CDH12: variants seen among roughly 807,000 people sequenced by gnomAD.
The protein encoded by CDH12 is cadherin-12.
CDH12 carries 41 observed loss-of-function variants against 74.1 expected under a neutral mutation model. The observed-to-expected ratio is 0.55, with a 90% CI of 0.43 to 0.72. The LOEUF is 0.72. Ranked by LOEUF, CDH12 falls within the 30% of genes least tolerant of loss-of-function variation. CDH12 has a pLI of 0.00. For missense variants in CDH12, 945 were observed against 977.2 expected (o/e 0.97, Z 0.44); for synonymous variants, 399 against 355.0 (o/e 1.12, Z -1.39).
chr5:22,709,072 T>C (rs1274472674), intron 1 of CDH12, among the ~76,000 whole-genome samples: 1 of 151,892 alleles, frequency 6.6e-6, no homozygotes, highest in Non-Finnish European at 1.5e-5. Flanking sequence ...TGGATGGGGG[T>C]GACATTTTCC....
At chr5:22,303,095 A>T (rs1292630835) in intron 3 of CDH12, among the ~76,000 whole-genome samples, 1 of 152,164 alleles carries the variant, frequency 6.6e-6, no homozygotes, top group Non-Finnish European at 1.5e-5. Context: ...CAGCATTTTA[A>T]ATTACAAACA....
chr5:22,191,831 T>C (rs1400001795), intron 4 of CDH12, among the ~76,000 whole-genome samples: 1 of 152,116 alleles, frequency 6.6e-6, no homozygotes, highest in Non-Finnish European at 1.5e-5. Context: ...CCCAAAGTGC[T>C]GGGATTACAG....
At chr5:21,830,801 C>T (rs1579787383) in intron 8 of CDH12, among the ~76,000 whole-genome samples, 1 of 151,944 alleles carries the variant, frequency 6.6e-6, no homozygotes, top group Non-Finnish European at 1.5e-5. Context: ...ACTTTGGAAG[C>T]CTGAGGCGGG....
At chr5:21,776,621 T>A (rs1420557615) in intron 11 of CDH12, among the ~76,000 whole-genome samples, 1 of 152,200 alleles carries the variant, frequency 6.6e-6, no homozygotes, top group African/African-American at 2.4e-5. Flanking sequence ...ATCTTCTATT[T>A]ATGTGCCATC....
chr5:21,983,799 C>T (rs537167139), intron 5 of CDH12, among the ~76,000 whole-genome samples: 1 of 152,128 alleles, frequency 6.6e-6, no homozygotes, highest in South Asian at 2.1e-4. Context: ...ATTTATATTA[C>T]TTTATTTATT....
intron 1 of CDH12, among the ~76,000 whole-genome samples, chr5:22,640,715 C>T (rs899858449): frequency 3.3e-5 from 5 of 152,060 alleles, no homozygotes; most frequent in African/African-American, 4.8e-5. Flanking sequence ...TTTCCTTTAC[C>T]TTACAAACCT....
intron 6 of CDH12, among the ~76,000 whole-genome samples, chr5:21,966,482 G>T (rs1756591589): frequency 2.6e-5 from 4 of 152,132 alleles, no homozygotes; most frequent in Admixed American, 2.0e-4. Context: ...TGCTGCCCCT[G>T]CAGGAGGCCT....
intron 6 of CDH12, among the ~76,000 whole-genome samples, chr5:21,861,411 A>G (rs1000577043): frequency 1.4e-4 from 21 of 152,088 alleles, no homozygotes; most frequent in Non-Finnish European, 2.9e-4. Context: ...AAGCTTAACT[A>G]AAATAAAAAT....
intron 1 of CDH12, among the ~76,000 whole-genome samples, chr5:22,750,269 G>A (rs1745497921): frequency 6.6e-6 from 1 of 152,094 alleles, no homozygotes; most frequent in South Asian, 2.1e-4. Context: ...AAGGAAAACT[G>A]GGTTCGCATG....
intron 3 of CDH12, among the ~76,000 whole-genome samples, chr5:22,394,153 AC>A (rs1742358566): frequency 6.6e-6 from 1 of 152,142 alleles, no homozygotes; most frequent in Non-Finnish European, 1.5e-5. Context: ...ATATTACTGG[AC>A]AACCTTCTGC....
At chr5:22,820,875 C>T (rs918556763) in intron 1 of CDH12, among the ~76,000 whole-genome samples, 10 of 152,160 alleles carry the variant, frequency 6.6e-5, no homozygotes, top group Non-Finnish European at 1.3e-4. Context: ...TCCTCCCTAA[C>T]TCATTTTATG....
chr5:22,501,866 G>C (rs781559994), intron 2 of CDH12, among the ~76,000 whole-genome samples: 24 of 152,032 alleles, frequency 1.6e-4, no homozygotes, highest in Non-Finnish European at 2.9e-4. Flanking sequence ...CAGATCTGCT[G>C]TTCCCTCCAT....
intron 3 of CDH12, among the ~76,000 whole-genome samples, chr5:22,339,767 G>C (rs4701582): frequency 6.6e-6 from 1 of 151,840 alleles, no homozygotes; most frequent in Non-Finnish European, 1.5e-5. Context: ...GAAAAACAGG[G>C]GAAAAGGAAT....
rs116168328 is a variant in CDH12 at position 21,926,730 on chromosome 5, A to G, written c.526+48361T>C. Reference sequence around the variant, plus strand: ...GAATGATGTCTTTGAAGAAGAAAAAATAGAGATTAATATATGAGTGAAGGG... The same window carrying G: ...GAATGATGTCTTTGAAGAAGAAAAAGTAGAGATTAATATATGAGTGAAGGG... On this transcript the variant is annotated intron_variant, in intron 6 of 14. Transcript: ENST00000382254. Among the ~76,000 whole-genome samples, 536 of 152,324 alleles carry G rather than the reference A, an allele frequency of 3.5e-3. 3 individuals carry two copies. The highest frequency in any genetic ancestry group is 0.012 in the African/African-American group (516 of 41,580).
chr5:22,212,617 T>C lies in CDH12; in HGVS notation c.-306A>G. ...AAGTAGCTGCATCCTGTGCTCCTTT[T>C]CCCTGTTATGTTGAGCTCCTCACTG... On this transcript the variant is annotated 5_prime_UTR_variant, in exon 4 of 15. Coordinates refer to ENST00000382254, the MANE Select transcript of CDH12 (RefSeq NM_004061.5). 2.0e-6 allele frequency: 2 copies of C among 985,456 alleles called. No homozygotes were observed. 61.0% of individuals were successfully genotyped at this position (985,456 alleles called of 1,614,324 possible).
At chr5:22,389,948 G>A (rs776538014) in intron 3 of CDH12, among the ~76,000 whole-genome samples, 2 of 151,572 alleles carry the variant, frequency 1.3e-5, no homozygotes, top group Non-Finnish European at 2.9e-5. Context: ...GTGCCTGGCC[G>A]ACAATTGATT....
chr5:22,500,590 GT>G (rs1747290105), intron 2 of CDH12, among the ~76,000 whole-genome samples: 1 of 152,038 alleles, frequency 6.6e-6, no homozygotes. Context: ...TTAAAATTAT[GT>G]TCTGTTGACT....
At chr5:22,708,886 A>T (rs1044437802) in intron 1 of CDH12, among the ~76,000 whole-genome samples, 42 of 152,158 alleles carry the variant, frequency 2.8e-4, no homozygotes, top group African/African-American at 9.9e-4. Flanking sequence ...CATGAGCGGG[A>T]AGTTAGATGC....
intron 6 of CDH12, among the ~76,000 whole-genome samples, chr5:21,958,508 A>T (rs1261413485): frequency 6.6e-6 from 1 of 152,190 alleles, no homozygotes; most frequent in Non-Finnish European, 1.5e-5. Context: ...AATCTTTTGC[A>T]TATGGCTAGT....
Sources: gnomAD v4.1 joint callset for allele counts (sites outside exome capture counted in the v4.1 genomes callset) on GRCh38, gnomAD v4.1.1 for gene constraint, MANE v1.5 for transcripts, NCBI Gene and HGNC (gene_info 2026-07-23, HGNC 2026-07-21) for gene names.